Variants in TRPC3 observed in about 807,000 individuals in gnomAD.
TRPC3 encodes short transient receptor potential channel 3.
TRPC3 carries 54 observed loss-of-function variants against 90.9 expected under a neutral mutation model. That is an observed-to-expected ratio of 0.59 (90% CI 0.48 to 0.75). The LOEUF is 0.75. TRPC3 is among the 30% of genes least tolerant of loss of function. The probability of loss-of-function intolerance (pLI) is 0.00; values close to 1 mark genes in which losing one functional copy is unlikely to be tolerated. For synonymous variants in TRPC3, 424 were observed against 450.9 expected (o/e 0.94, Z 0.75); for missense variants, 918 against 1,194.5 (o/e 0.77, Z 3.41).
chr4:121,897,132 A>T (rs1728541856), intron 10 of TRPC3, among the ~76,000 whole-genome samples: 1 of 152,124 alleles, frequency 6.6e-6, no homozygotes, highest in Non-Finnish European at 1.5e-5. Context: ...CCTTGTATAA[A>T]AATCAGGGCA....
chr4:121,951,735 C>G lies in TRPC3; in HGVS notation c.-55G>C, dbSNP rs986535961. The stretch of plus-strand genomic sequence containing the variant: ...GCCGGCTGCCGGCCTCCTCCGCCTT[C>G]GCGGCAGTGCAGTCTTCCCGCGGCG... On this transcript the variant is annotated 5_prime_UTR_variant, in exon 1 of 12. Transcript: ENST00000379645. This position sits in a 1 kb window ranked among gnomAD's most constrained non-coding sequence, Gnocchi z 4.4. The G allele has an allele frequency of 1.6e-6, 2 of 1,268,190 alleles. No individual in the cohort carries two copies. The highest frequency in any genetic ancestry group is 3.1e-5 in the African/African-American group (2 of 64,106). 78.6% of individuals were successfully genotyped at this position (1,268,190 alleles called of 1,614,324 possible).
intron 1 of TRPC3, among the ~76,000 whole-genome samples, chr4:121,943,115 T>C (rs896196166): frequency 2.0e-5 from 3 of 152,146 alleles, no homozygotes; most frequent in African/African-American, 7.2e-5. Flanking sequence ...TGAATATCTA[T>C]TGGAGGGATG....
chr4:121,925,442 G>A (rs2149136714), intron 2 of TRPC3, among the ~76,000 whole-genome samples: 1 of 152,012 alleles, frequency 6.6e-6, no homozygotes, highest in Non-Finnish European at 1.5e-5. Context: ...AAAATGGCAT[G>A]ATTATAATCT....
At chr4:121,918,002 T>G (rs113372336) in intron 3 of TRPC3, among the ~76,000 whole-genome samples, 2,971 of 152,306 alleles carry the variant, frequency 0.02, 47 homozygotes, top group Middle Eastern at 0.071. Flanking sequence ...TGAATGTGTC[T>G]CCTCCAACAT....
Position 121,932,477 on chromosome 4 carries a change from G to C in TRPC3, c.781C>G (p.Arg261Gly). Residue 261 changes from arginine to glycine, a missense_variant, in exon 2 of 12, where the codon CGG (arginine) becomes GGG (glycine). Physicochemically the swap from Arg to Gly is moderately radical, Grantham distance 125. Around this residue, in one of 4 missense-constraint regions of TRPC3, gnomAD observed 609 missense variants for 725.9 expected, o/e 0.84. Coordinates refer to ENST00000379645, the MANE Select transcript of TRPC3 (RefSeq NM_001130698.2). This position sits in a 1 kb window ranked among gnomAD's most constrained non-coding sequence, Gnocchi z 7.7. ...MLLMKGARIE[R>G]PHDYFCKCGD... ...CACTTGCAGAAATAGTCGTGCGGCC[G>C]CTCGATCCTGGCACCCTTCATCAGC... 6.2e-7 allele frequency: 1 copy of C among 1,614,194 alleles called. No homozygotes were observed. The highest frequency in any genetic ancestry group is 8.5e-7 in the Non-Finnish European group (1 of 1,180,016).
Position 121,932,782 on chromosome 4 carries a change from T to C in TRPC3, c.476A>G (p.His159Arg). The change falls in exon 2 of 12, where the codon CAC becomes CGC. Residue 159 changes from histidine to arginine, a missense_variant. This residue lies in a region of TRPC3 where 609 missense variants were observed against 725.9 expected (regional missense o/e 0.84). Coordinates refer to ENST00000379645, the MANE Select transcript of TRPC3 (RefSeq NM_001130698.2). The surrounding 1 kb of genome is among the most constrained non-coding windows in gnomAD (Gnocchi z 7.7). Reference protein sequence around the residue: ...NALQLAVGNEHLEVTELLLKK... With the variant: ...NALQLAVGNERLEVTELLLKK... The stretch of plus-strand genomic sequence containing the variant: ...GAGCAGCAGCTCGGTCACCTCCAGG[T>C]GCTCGTTGCCCACAGCCAGCTGCAG... 1.2e-6 allele frequency: 2 copies of C among 1,612,360 alleles called. No homozygotes were observed. The highest frequency in any genetic ancestry group is 1.7e-6 in the Non-Finnish European group (2 of 1,178,780).
chr4:121,911,792 T>C (rs1359825480), intron 5 of TRPC3, 85 bp downstream of exon 5: 19 of 1,323,486 alleles, frequency 1.4e-5, no homozygotes, highest in Non-Finnish European at 1.9e-5. Flanking sequence ...TAAGATATAA[T>C]AACATTTTTT....
At chr4:121,921,919 G>GTTTT (rs1188029866) in intron 3 of TRPC3, among the ~76,000 whole-genome samples, 1 of 115,572 alleles carries the variant, frequency 8.7e-6, no homozygotes. Context: ...GTTTTTTTTT[G>GTTTT]TTTTTTTTTT....
At chr4:121,916,386 G>A (rs1018729413) in intron 3 of TRPC3, among the ~76,000 whole-genome samples, 4 of 152,164 alleles carry the variant, frequency 2.6e-5, no homozygotes, top group Non-Finnish European at 2.9e-5. Flanking sequence ...CCATACATGC[G>A]TACTTAACGA....
chr4:121,932,511 C>T lies in TRPC3; in HGVS notation c.747G>A (p.Val249=). 6.2e-7 allele frequency: 1 copy of T among 1,614,218 alleles called. No homozygotes were observed. Among genetic ancestry groups the T allele is most frequent in the Non-Finnish European group, 8.5e-7 (1 of 1,180,034 alleles). Residue 249 remains valine (V), a synonymous_variant, in exon 2 of 12, where the codon GTG becomes GTA. Transcript: ENST00000379645. This position sits in a 1 kb window ranked among gnomAD's most constrained non-coding sequence, Gnocchi z 7.7. ...TGGCACCCTTCATCAGCAGCATGTG[C>T]ACCACTTCGTATTTCTGGCAGTGCG... The part of the protein sequence containing the change: ...LAAHCQKYEV[V]HMLLMKGARI...
At chr4:121,921,346 C>A (rs992721217) in intron 3 of TRPC3, among the ~76,000 whole-genome samples, 2 of 151,410 alleles carry the variant, frequency 1.3e-5, no homozygotes, top group Non-Finnish European at 2.9e-5. Context: ...AACGGTGAAA[C>A]CCCGTCTCTA....
intron 10 of TRPC3, among the ~76,000 whole-genome samples, chr4:121,891,682 C>G (rs942321618): frequency 1.3e-5 from 2 of 152,216 alleles, no homozygotes; most frequent in African/African-American, 4.8e-5. Flanking sequence ...ATCATTACCA[C>G]TGGGGACAGA....
intron 3 of TRPC3, 145 bp downstream of exon 3, chr4:121,924,873 C>A (rs61545746): frequency 0.36 from 317,521 of 879,058 alleles, 59,101 homozygotes; most frequent in East Asian, 0.59. Flanking sequence ...AATTTTGTTT[C>A]TTTTTTGTAC....
At chr4:121,886,070 G>A (rs906546858) in intron 10 of TRPC3, among the ~76,000 whole-genome samples, 1 of 152,132 alleles carries the variant, frequency 6.6e-6, no homozygotes, top group Non-Finnish European at 1.5e-5. Flanking sequence ...ACAAACCCAA[G>A]TTCATTTTTC....
intron 10 of TRPC3, among the ~76,000 whole-genome samples, chr4:121,895,400 G>GT (rs575123643): frequency 1.2e-3 from 182 of 151,668 alleles, no homozygotes; most frequent in African/African-American, 4.2e-3. Flanking sequence ...ACAAAACAAA[G>GT]TTTTTTTTAA....
At chr4:121,943,120 G>A (rs1730373759) in intron 1 of TRPC3, among the ~76,000 whole-genome samples, 1 of 152,126 alleles carries the variant, frequency 6.6e-6, no homozygotes, top group Admixed American at 6.6e-5. Flanking sequence ...ATCTATTGGA[G>A]GGATGGGTGC....
intron 4 of TRPC3, 49 bp downstream of exon 4, chr4:121,914,731 A>T: frequency 6.8e-7 from 1 of 1,462,936 alleles, no homozygotes; most frequent in East Asian, 2.3e-5. Flanking sequence ...TTTATCCCAA[A>T]GAGACACAGT....
Position 121,876,265 on chromosome 4 carries a change from T to C in TRPC3, c.*3471A>G, listed in dbSNP as rs950551332. On this transcript the variant is annotated 3_prime_UTR_variant, in exon 12 of 12. Transcript: ENST00000379645. ...AAGTTAAAGACTAGCCTGGACAACA[T>C]AGTGAGACCCGCCTCTAAAAATGTA... Among the ~76,000 whole-genome samples the C allele has an allele frequency of 1.1e-4, 16 of 151,878 alleles. No individual in the cohort carries two copies. The highest frequency in any genetic ancestry group is 2.4e-4 in the Non-Finnish European group (16 of 67,962).
chr4:121,915,027 A>T (rs138698488), intron 3 of TRPC3, 83 bp from the exon 4 acceptor site: 3 of 1,206,490 alleles, frequency 2.5e-6, no homozygotes, highest in African/African-American at 3.0e-5. Context: ...TTAAATACAC[A>T]TGCATCCTAA....
Sources: allele counts gnomAD v4.1 joint callset (sites outside exome capture counted in the v4.1 genomes callset), GRCh38; gene constraint gnomAD v4.1.1; regional missense constraint gnomAD v4.1.1; non-coding constraint Gnocchi (gnomAD v3.1); transcripts MANE v1.5; gene names NCBI Gene and HGNC (gene_info 2026-07-23, HGNC 2026-07-21).